The following RIMS1 variants were observed in gnomAD, a reference collection of about 807,000 sequenced individuals.
RIMS1 encodes the protein regulating synaptic membrane exocytosis protein 1.
In RIMS1, 83 loss-of-function variants were observed where a neutral mutation model predicts 214.1. That is an observed-to-expected ratio of 0.39 (90% CI 0.32 to 0.47). RIMS1 has a LOEUF of 0.47. RIMS1 is among the 20% of genes least tolerant of loss of function. The pLI, the probability that RIMS1 is intolerant of heterozygous loss-of-function variation, is 0.99. For missense variants in RIMS1, 2,050 were observed against 2,161.8 expected (o/e 0.95, Z 1.03); for synonymous variants, 793 against 786.8 (o/e 1.01, Z -0.13).
chr6:72,337,315 C>T (rs974510662), intron 29 of RIMS1, among the ~76,000 whole-genome samples: 2 of 151,770 alleles, frequency 1.3e-5, no homozygotes, highest in African/African-American at 4.8e-5. Flanking sequence ...TATATCTTCT[C>T]CTCACTTGAA....
At chr6:71,931,834 C>T (rs1040512722) in intron 1 of RIMS1, among the ~76,000 whole-genome samples, 7 of 151,648 alleles carry the variant, frequency 4.6e-5, no homozygotes, top group South Asian at 2.1e-4. Context: ...GCCTATGTCC[C>T]GGAATGGTAT....
At chr6:72,052,744 C>G (rs530860271) in intron 2 of RIMS1, among the ~76,000 whole-genome samples, 2 of 152,072 alleles carry the variant, frequency 1.3e-5, no homozygotes, top group African/African-American at 4.8e-5. Context: ...CTATTTTTTG[C>G]GTATGTGTTA....
At position 72,370,775 on chromosome 6, in the gene RIMS1, G is replaced by A. The variant is rs2098191450; in HGVS notation, c.4367-19823G>A. Among the ~76,000 whole-genome samples the A allele has an allele frequency of 2.6e-5, 4 of 152,130 alleles. 1 individual carries two copies. In the South Asian group the frequency reaches 8.3e-4, roughly 32 times the overall value. Reference sequence around the variant, plus strand: ...GCTTGTGAAAAAAGAAATTTGGGGAGTACTGGGGCTTAAAGAGTACAAATA... The same window carrying A: ...GCTTGTGAAAAAAGAAATTTGGGGAATACTGGGGCTTAAAGAGTACAAATA... On this transcript the variant is annotated intron_variant, in intron 29 of 33. Transcript: ENST00000521978.
At chr6:72,376,458 T>TA (rs1277798054) in intron 29 of RIMS1, among the ~76,000 whole-genome samples, 2 of 151,956 alleles carry the variant, frequency 1.3e-5, no homozygotes, top group East Asian at 3.9e-4. Flanking sequence ...AAAAACTCTA[T>TA]AAAAAAGAAG....
chr6:72,383,787 A>G (rs2098538196), intron 29 of RIMS1, among the ~76,000 whole-genome samples: 2 of 152,030 alleles, frequency 1.3e-5, no homozygotes, highest in South Asian at 4.1e-4. Context: ...ATCATAGCTT[A>G]CTGTGATCTT....
intron 4 of RIMS1, among the ~76,000 whole-genome samples, chr6:72,167,737 C>T (rs1484576793): frequency 6.6e-6 from 1 of 151,848 alleles, no homozygotes; most frequent in Non-Finnish European, 1.5e-5. Context: ...GTTCATAGTA[C>T]TCTCTTATTT....
intron 6 of RIMS1, among the ~76,000 whole-genome samples, chr6:72,205,562 T>G (rs974607244): frequency 2.0e-5 from 3 of 152,164 alleles, no homozygotes; most frequent in Non-Finnish European, 4.4e-5. Context: ...TGGTTCAAAC[T>G]CAACCAAGCC....
chr6:72,362,326 C>T (rs760894612), intron 29 of RIMS1, among the ~76,000 whole-genome samples: 38 of 152,028 alleles, frequency 2.5e-4, no homozygotes, highest in Admixed American at 5.9e-4. Flanking sequence ...ATGAGTATTA[C>T]CATATTTATT....
chr6:72,139,689 A>G (rs1033191193), intron 4 of RIMS1, among the ~76,000 whole-genome samples: 1 of 152,108 alleles, frequency 6.6e-6, no homozygotes, highest in Admixed American at 6.6e-5. Context: ...AAAGTTTCAG[A>G]TTTCAGTTCT....
At chr6:72,380,578 C>T (rs947232617) in intron 29 of RIMS1, among the ~76,000 whole-genome samples, 16 of 152,198 alleles carry the variant, frequency 1.1e-4, no homozygotes, top group African/African-American at 2.2e-4. Flanking sequence ...GTAAAGAAAA[C>T]GAATGTGAAG....
chr6:72,036,407 TG>T (rs1306803355), intron 2 of RIMS1, among the ~76,000 whole-genome samples: 1 of 152,136 alleles, frequency 6.6e-6, no homozygotes, highest in African/African-American at 2.4e-5. Context: ...CATGCATCCC[TG>T]CACTTATCTA....
chr6:72,112,422 T>C (rs961770422), intron 4 of RIMS1, among the ~76,000 whole-genome samples: 2 of 152,154 alleles, frequency 1.3e-5, no homozygotes, highest in African/African-American at 4.8e-5. Flanking sequence ...CTCCAATGGC[T>C]TCCCATCTCA....
Position 72,182,930 on chromosome 6 carries a change from G to T in RIMS1, c.1459G>T (p.Ala487Ser). The T allele has an allele frequency of 6.3e-7, 1 of 1,585,554 alleles. No individual in the cohort carries two copies. Among genetic ancestry groups the T allele is most frequent in the East Asian group, 2.3e-5 (1 of 43,176 alleles). Residue 487 changes from alanine (A) to serine (S), a missense_variant, in exon 6 of 34, where the codon GCC becomes TCC. By Grantham distance (99) the Ala-to-Ser change is moderately conservative. This residue lies in a region of RIMS1 where 882 missense variants were observed against 828.9 expected (regional missense o/e 1.06). Transcript: ENST00000521978. ...CAGCTCGGCGGTCCTCATGCGGAAG[G>T]CCAAGCGCGAGAAGGTGGAGACCAT... is the stretch of plus-strand genomic sequence containing the variant. Reference protein sequence around the residue: ...DPSSAVLMRKAKREKVETMLR... With the variant: ...DPSSAVLMRKSKREKVETMLR...
intron 6 of RIMS1, among the ~76,000 whole-genome samples, chr6:72,200,044 A>C (rs2051660114): frequency 1.3e-5 from 2 of 152,080 alleles, no homozygotes; most frequent in Non-Finnish European, 2.9e-5. Context: ...TTAATTTGAT[A>C]TCCTTTAAAA....
intron 29 of RIMS1, among the ~76,000 whole-genome samples, chr6:72,341,338 G>A (rs1195053333): frequency 1.3e-5 from 2 of 151,534 alleles, no homozygotes; most frequent in African/African-American, 2.4e-5. Context: ...TAGTTTCCTG[G>A]GATATGAGAA....
chr6:72,170,978 C>A (rs912849745), intron 4 of RIMS1, among the ~76,000 whole-genome samples: 1 of 151,920 alleles, frequency 6.6e-6, no homozygotes, highest in Non-Finnish European at 1.5e-5. Flanking sequence ...ATTATTTTCC[C>A]TATTTTATAA....
intron 29 of RIMS1, among the ~76,000 whole-genome samples, chr6:72,355,061 A>T (rs765795123): frequency 6.6e-6 from 1 of 152,188 alleles, no homozygotes; most frequent in East Asian, 1.9e-4. Flanking sequence ...GGTAGACAAT[A>T]TCTTAGAAAG....
intron 2 of RIMS1, among the ~76,000 whole-genome samples, chr6:72,093,771 C>T (rs1429052994): frequency 6.6e-6 from 1 of 151,824 alleles, no homozygotes; most frequent in Non-Finnish European, 1.5e-5. Context: ...TTTTCTCATT[C>T]CGTATTTTTT....
intron 6 of RIMS1, among the ~76,000 whole-genome samples, chr6:72,205,168 C>A (rs1332564027): frequency 6.6e-6 from 1 of 151,686 alleles, no homozygotes; most frequent in Non-Finnish European, 1.5e-5. Flanking sequence ...ATATTCCTAC[C>A]ATTAGACATT....
Sources: allele counts gnomAD v4.1 joint callset (sites outside exome capture counted in the v4.1 genomes callset), GRCh38; gene constraint gnomAD v4.1.1; regional missense constraint gnomAD v4.1.1; transcripts MANE v1.5; gene names NCBI Gene and HGNC (gene_info 2026-07-23, HGNC 2026-07-21).